The following SLC9C1 variants were observed in gnomAD, a reference collection of about 807,000 sequenced individuals.
SLC9C1 encodes the protein solute carrier family 9 member C1, also known as sodium/hydrogen exchanger 10.
SLC9C1 carries 97 observed loss-of-function variants against 140.9 expected under a neutral mutation model. That is an observed-to-expected ratio of 0.69 (90% confidence interval 0.58 to 0.82). SLC9C1 has a LOEUF of 0.82. Among genes scored for constraint, SLC9C1 ranks in the 40% least tolerant of loss-of-function variants. The probability of loss-of-function intolerance (pLI) is 0.00; values close to 1 mark genes in which losing one functional copy is unlikely to be tolerated. For missense variants in SLC9C1, 1,340 were observed against 1,389.3 expected (o/e 0.96, Z 0.56); for synonymous variants, 440 against 442.6 (o/e 0.99, Z 0.07).
At chr3:112,264,075 G>A (rs1416359245) in intron 9 of SLC9C1, 125 bp downstream of exon 9, 2 of 450,974 alleles carry the variant, frequency 4.4e-6, no homozygotes, top group Admixed American at 5.1e-5. Flanking sequence ...TTTATTTGCT[G>A]ATGATCCTTG....
chr3:112,202,504 CA>C, intron 17 of SLC9C1, 105 bp from the exon 18 acceptor site: 1 of 1,125,910 alleles, frequency 8.9e-7, no homozygotes, highest in Admixed American at 2.4e-5. Flanking sequence ...TAAGTGCCCT[CA>C]AAGGTAACTA....
intron 20 of SLC9C1, among the ~76,000 whole-genome samples, chr3:112,190,053 T>A (rs934636307): frequency 1.3e-5 from 2 of 152,112 alleles, no homozygotes; most frequent in African/African-American, 2.4e-5. Context: ...TTTGTGTATA[T>A]GAATGCTTGT....
chr3:112,147,254 G>T (rs1301743859), intron 28 of SLC9C1, among the ~76,000 whole-genome samples: 4 of 152,130 alleles, frequency 2.6e-5, no homozygotes, highest in Admixed American at 2.6e-4. Flanking sequence ...GCCCCTCTAT[G>T]CCTTTTACGT....
At chr3:112,220,556 A>C (rs2108121738) in intron 14 of SLC9C1, among the ~76,000 whole-genome samples, 1 of 152,354 alleles carries the variant, frequency 6.6e-6, no homozygotes, top group Non-Finnish European at 1.5e-5. Context: ...GTTGCACTGC[A>C]GTTTAACCCC....
chr3:112,261,732 T>C (rs1449049762), intron 10 of SLC9C1, among the ~76,000 whole-genome samples: 1 of 152,216 alleles, frequency 6.6e-6, no homozygotes, highest in East Asian at 1.9e-4. Flanking sequence ...TCATCACTTA[T>C]AATTTCATCA....
chr3:112,281,281 T>C (rs2080350840), intron 2 of SLC9C1, among the ~76,000 whole-genome samples: 1 of 152,200 alleles, frequency 6.6e-6, no homozygotes, highest in South Asian at 2.1e-4. Context: ...ATCGCCCTTC[T>C]TGTAAGGCTG....
chr3:112,286,620 C>T, intron 2 of SLC9C1, 84 bp downstream of exon 2: 1 of 1,163,478 alleles, frequency 8.6e-7, no homozygotes, highest in Non-Finnish European at 1.2e-6. Flanking sequence ...TATCCTATTA[C>T]TTCTACTTTC....
intron 3 of SLC9C1, 91 bp from the exon 4 acceptor site, chr3:112,278,948 A>G (rs1367869231): frequency 1.5e-6 from 2 of 1,311,036 alleles, no homozygotes; most frequent in East Asian, 2.6e-5. Context: ...ACAGTAGAGA[A>G]AGACAATTTT....
intron 10 of SLC9C1, among the ~76,000 whole-genome samples, chr3:112,256,669 C>T (rs4435608): frequency 0.59 from 89,944 of 151,974 alleles, 27,148 homozygotes; most frequent in East Asian, 0.79. Flanking sequence ...GACAAGGATG[C>T]CCTCTCTCAC....
intron 13 of SLC9C1, among the ~76,000 whole-genome samples, chr3:112,222,781 T>C (rs926081074): frequency 2.0e-5 from 3 of 152,136 alleles, no homozygotes; most frequent in Admixed American, 6.5e-5. Context: ...ATTTTTAAGT[T>C]ACAAGGAAAT....
In SLC9C1 at chr3:112,200,771, C is replaced by T; in HGVS notation, c.2323-9G>A. On this transcript the variant is annotated splice_polypyrimidine_tract_variant and intron_variant, in intron 18 of 28. Coordinates refer to ENST00000305815, the MANE Select transcript of SLC9C1 (RefSeq NM_183061.3). ...ACTTGCTTTAATAACATCTAAGGAA[C>T]AAAAGAAATGTTATCCCCATTGGAA... The T allele has an allele frequency of 6.2e-7, 1 of 1,601,574 alleles. No individual in the cohort carries two copies. The highest frequency in any genetic ancestry group is 8.5e-7 in the Non-Finnish European group (1 of 1,173,898).
intron 26 of SLC9C1, among the ~76,000 whole-genome samples, chr3:112,155,837 A>G (rs2075112928): frequency 6.6e-6 from 1 of 152,076 alleles, no homozygotes; most frequent in Non-Finnish European, 1.5e-5. Flanking sequence ...GCAGAGAATC[A>G]AGGTATTTTA....
intron 21 of SLC9C1, 37 bp from the exon 22 acceptor site, chr3:112,180,699 C>T: frequency 1.3e-6 from 2 of 1,510,836 alleles, no homozygotes; most frequent in South Asian, 1.2e-5. Flanking sequence ...CTATAAACAA[C>T]ATTTTAGAAG....
rs557541531 is a variant in SLC9C1, at chr3:112,288,801, G to A, written c.-87-1923C>T. ...ATCTGCGGTCAGACTACTTGCATTC[G>A]TAGGTCTGATGGGCTTCTGCTTGTA... On this transcript the variant is annotated intron_variant, in intron 1 of 28. Transcript: ENST00000305815. Among the ~76,000 whole-genome samples, 15 of 152,100 alleles carry A rather than the reference G, an allele frequency of 9.9e-5. No individual in the cohort carries two copies. In the South Asian group the frequency reaches 2.9e-3, roughly 29 times the overall value.
intron 12 of SLC9C1, among the ~76,000 whole-genome samples, chr3:112,233,111 C>T (rs1307398845): frequency 2.0e-5 from 3 of 148,922 alleles, no homozygotes; most frequent in Non-Finnish European, 3.0e-5. Flanking sequence ...CTTTGCTGCC[C>T]AGGCTGGAGT....
chr3:112,172,012 T>G (rs950674313), intron 23 of SLC9C1, among the ~76,000 whole-genome samples: 5 of 152,212 alleles, frequency 3.3e-5, no homozygotes, highest in Non-Finnish European at 7.4e-5. Flanking sequence ...TTACACAGGA[T>G]GTATGCCTTT....
At chr3:112,252,092 G>A (rs754300825) in intron 10 of SLC9C1, among the ~76,000 whole-genome samples, 5 of 152,092 alleles carry the variant, frequency 3.3e-5, no homozygotes, top group African/African-American at 1.2e-4. Flanking sequence ...TTTCTGGGTT[G>A]CAGTGGTTCC....
intron 20 of SLC9C1, among the ~76,000 whole-genome samples, chr3:112,195,502 A>G (rs1359353717): frequency 6.6e-6 from 1 of 152,040 alleles, no homozygotes; most frequent in African/African-American, 2.4e-5. Context: ...TTTTTTTTGT[A>G]TAGCTTTTCT....
At position 112,230,768 on chromosome 3, in the gene SLC9C1, C is replaced by A. The variant is rs375923769; in HGVS notation, c.1572+593G>T. 9.9e-5 allele frequency among the ~76,000 whole-genome samples: 15 copies of A among 152,226 alleles called. No individual in the cohort carries two copies. In the South Asian group the frequency reaches 3.1e-3, roughly 32 times the overall value. ...AGAGGACAATTCATGGCAAATAGAT[C>A]TTGATTATTTCAACCTGGAGAGAAA... On this transcript the variant is annotated intron_variant, in intron 13 of 28. Transcript: ENST00000305815.
Sources: gnomAD v4.1 joint callset for allele counts (sites outside exome capture counted in the v4.1 genomes callset) on GRCh38, gnomAD v4.1.1 for gene constraint, MANE v1.5 for transcripts, NCBI Gene and HGNC (gene_info 2026-07-23, HGNC 2026-07-21) for gene names.